The following PLEKHA7 variants were observed in gnomAD, a reference collection of about 807,000 sequenced individuals.
PLEKHA7 encodes the protein pleckstrin homology domain containing A7.
PLEKHA7 carries 104 observed loss-of-function variants against 170.0 expected under a neutral mutation model. The ratio of observed to expected loss-of-function variants is 0.61; its 90% CI spans 0.52 to 0.72. The LOEUF is 0.72. Among genes scored for constraint, PLEKHA7 ranks in the 30% least tolerant of loss-of-function variants. The pLI is 0.00. For missense variants in PLEKHA7, 1,615 were observed against 1,671.7 expected, an observed-to-expected ratio of 0.97 and a Z score of 0.59; for synonymous variants, 648 against 660.8, an observed-to-expected ratio of 0.98 and a Z score of 0.30.
chr11:16,803,129 T>C, intron 14 of PLEKHA7, 77 bp from the exon 15 acceptor site: 1 of 1,562,780 alleles, frequency 6.4e-7, no homozygotes, highest in Admixed American at 1.7e-5. Context: ...TCAGACAGCC[T>C]TTGGCTACAG....
Position 17,014,033 on chromosome 11 carries a change from G to A in PLEKHA7, c.177C>T (p.Gly59=). 2 of 1,557,010 alleles carry A rather than the reference G, an allele frequency of 1.3e-6. No individual in the cohort carries two copies. Among genetic ancestry groups the A allele is most frequent in the Non-Finnish European group, 1.7e-6 (2 of 1,151,424 alleles). Reference sequence around the variant, plus strand: ...CCTCCTCCGTGAAGCCCTCCTCCCAGCCGCGGGGCAGGTCTGCGGAAACGC... The same window carrying A: ...CCTCCTCCGTGAAGCCCTCCTCCCAACCGCGGGGCAGGTCTGCGGAAACGC... ...GHMIRSDLPR[G]WEEGFTEEGA... is the part of the protein sequence containing the mutation. The change falls in exon 3 of 27, where the codon GGC becomes GGT. Residue 59 remains glycine (G), a synonymous_variant. Transcript: ENST00000531066.
At chr11:16,820,747 C>T (rs952115686) in intron 10 of PLEKHA7, among the ~76,000 whole-genome samples, 6 of 152,178 alleles carry the variant, frequency 3.9e-5, no homozygotes, top group East Asian at 1.9e-4. Context: ...GGTCAGAGTC[C>T]ACCCTCACCT....
At chr11:16,848,979 G>C (rs1852696930) in intron 8 of PLEKHA7, among the ~76,000 whole-genome samples, 3 of 152,122 alleles carry the variant, frequency 2.0e-5, no homozygotes, top group Admixed American at 2.0e-4. Flanking sequence ...GCCCCTAAAA[G>C]AAGGATGCTG....
intron 3 of PLEKHA7, among the ~76,000 whole-genome samples, chr11:16,907,415 G>A (rs1266563473): frequency 6.6e-4 from 84 of 128,062 alleles, no homozygotes; most frequent in African/African-American, 2.5e-3. Flanking sequence ...CCGGCCAGCC[G>A]CCCCGTCCGG....
At chr11:16,818,913 C>A (rs1172548732) in intron 10 of PLEKHA7, among the ~76,000 whole-genome samples, 1 of 151,468 alleles carries the variant, frequency 6.6e-6, no homozygotes, top group South Asian at 2.1e-4. Context: ...AAGTGATTCT[C>A]CTGCCTCAGC....
chr11:16,904,885 G>A (rs1447599233), intron 3 of PLEKHA7, among the ~76,000 whole-genome samples: 2 of 152,200 alleles, frequency 1.3e-5, no homozygotes, highest in Admixed American at 1.3e-4. Flanking sequence ...CTAAAAGCAT[G>A]TTATGTAAAA....
In PLEKHA7 at chr11:16,826,477, T is replaced by C. The variant is rs1189385088; in HGVS notation, c.986A>G (p.His329Arg). ...CCTCTCGAAGTTGACAATGTCATCA[T>C]GGCCACGATGAGGACAATCTCTCGT... ...GHTRDCPHRG[H>R]DDIVNFERQE... Residue 329 changes from histidine (H) to arginine (R), a missense_variant, in exon 10 of 27, where the codon CAT becomes CGT. His to Arg is a conservative substitution (Grantham distance 29). Coordinates refer to ENST00000531066, the MANE Select transcript of PLEKHA7 (RefSeq NM_001329630.2). 3 of 1,614,138 alleles carry C rather than the reference T, an allele frequency of 1.9e-6. No individual in the cohort carries two copies. The highest frequency in any genetic ancestry group is 4.5e-5 in the East Asian group (2 of 44,892).
chr11:16,833,779 C>T (rs1051178815), intron 9 of PLEKHA7, among the ~76,000 whole-genome samples: 2 of 152,168 alleles, frequency 1.3e-5, no homozygotes, highest in Non-Finnish European at 2.9e-5. Context: ...GCAGCGGCAG[C>T]CATCACTGAC....
At chr11:16,903,890 T>C (rs1200895113) in intron 3 of PLEKHA7, among the ~76,000 whole-genome samples, 2 of 152,254 alleles carry the variant, frequency 1.3e-5, no homozygotes, top group African/African-American at 4.8e-5. Context: ...TTTCAGTTTT[T>C]GTCCTTCTTG....
At chr11:16,909,320 A>G (rs1858085084) in intron 3 of PLEKHA7, among the ~76,000 whole-genome samples, 1 of 152,196 alleles carries the variant, frequency 6.6e-6, no homozygotes, top group South Asian at 2.1e-4. Context: ...CAGAAACAGG[A>G]GCCTCTTAAT....
chr11:16,785,249 C>A (rs1425913434), intron 24 of PLEKHA7, among the ~76,000 whole-genome samples: 1 of 152,232 alleles, frequency 6.6e-6, no homozygotes. Flanking sequence ...CTCCTCAGTT[C>A]TCACTCTCCT....
chr11:16,838,392 G>C (rs560197044), intron 9 of PLEKHA7, among the ~76,000 whole-genome samples: 1 of 151,746 alleles, frequency 6.6e-6, no homozygotes, highest in Admixed American at 6.6e-5. Flanking sequence ...CCACAGCTGA[G>C]GTCCCAGCTA....
intron 3 of PLEKHA7, among the ~76,000 whole-genome samples, chr11:16,967,981 C>T (rs1317786262): frequency 1.3e-5 from 2 of 152,082 alleles, no homozygotes; most frequent in Non-Finnish European, 2.9e-5. Context: ...GGGCTCAGGG[C>T]ATATAGGAAA....
intron 3 of PLEKHA7, among the ~76,000 whole-genome samples, chr11:16,978,622 C>T (rs905419219): frequency 6.6e-6 from 1 of 152,176 alleles, no homozygotes. Flanking sequence ...ATTTCATTAA[C>T]CAGTTCCTAA....
At chr11:16,926,996 A>G (rs1859599552) in intron 3 of PLEKHA7, among the ~76,000 whole-genome samples, 1 of 151,822 alleles carries the variant, frequency 6.6e-6, no homozygotes, top group Non-Finnish European at 1.5e-5. Flanking sequence ...ACTCTCTGGT[A>G]TCAGTGTCTC....
chr11:16,936,423 A>AAAAAAAAAAAAAC (rs1860306386), intron 3 of PLEKHA7, among the ~76,000 whole-genome samples: 1 of 148,026 alleles, frequency 6.8e-6, no homozygotes, highest in African/African-American at 2.5e-5. Flanking sequence ...AAAAAAAAAA[A>AAAAAAAAAAAAAC]AAATCAGGTC....
At chr11:16,782,184 C>T (rs575010325) in intron 26 of PLEKHA7, among the ~76,000 whole-genome samples, 1 of 152,090 alleles carries the variant, frequency 6.6e-6, no homozygotes, top group African/African-American at 2.4e-5. Flanking sequence ...CACACACACA[C>T]GTTCTCATCC....
At chr11:16,994,407 T>C (rs7937479) in intron 3 of PLEKHA7, among the ~76,000 whole-genome samples, 92,503 of 151,954 alleles carry the variant, frequency 0.61, 28,861 homozygotes, top group East Asian at 0.96. Flanking sequence ...TGCCAGGCAG[T>C]AGTGGGGGCC....
chr11:16,784,897 G>A (rs528969037), intron 24 of PLEKHA7, among the ~76,000 whole-genome samples: 53 of 152,310 alleles, frequency 3.5e-4, no homozygotes, highest in African/African-American at 1.3e-3. Flanking sequence ...CCCTGGGCTG[G>A]CAGGCAATCA....
Sources: allele counts gnomAD v4.1 joint callset (sites outside exome capture counted in the v4.1 genomes callset), GRCh38; gene constraint gnomAD v4.1.1; transcripts MANE v1.5; gene names NCBI Gene and HGNC (gene_info 2026-07-23, HGNC 2026-07-21).